Variants in KIF9 observed in about 807,000 individuals in gnomAD.
The protein encoded by KIF9 is kinesin-like protein KIF9.
Under a neutral mutation model 94.8 loss-of-function variants are expected in KIF9, and 68 were observed. The observed-to-expected ratio is 0.72, with a 90% CI of 0.59 to 0.88. The LOEUF is 0.88. KIF9 is among the 40% of genes least tolerant of loss of function. The pLI is 0.00. For missense variants in KIF9, 882 were observed against 982.5 expected, an observed-to-expected ratio of 0.90 and a Z score of 1.37; for synonymous variants, 343 against 362.1, an observed-to-expected ratio of 0.95 and a Z score of 0.60.
In KIF9 at chr3:47,240,872, T is replaced by C. The variant is rs147260286; in HGVS notation, c.1853A>G (p.Asn618Ser). The change falls in exon 17 of 21, where the codon AAT (asparagine) becomes AGT (serine). Residue 618 changes from asparagine (N) to serine (S), a missense_variant. Physicochemically the swap from Asn to Ser is conservative, Grantham distance 46 (BLOSUM62 1). Transcript: ENST00000684063. ...KRASETTQHI[N>S]AIKREIDVTK... Reference sequence around the variant, plus strand: ...CACATCAATCTCCCGCTTGATGGCATTGATGTGCTGTGTGGTCTCGCTGGC... The same window carrying C: ...CACATCAATCTCCCGCTTGATGGCACTGATGTGCTGTGTGGTCTCGCTGGC... The C allele has an allele frequency of 8.2e-5, 132 of 1,614,244 alleles. No homozygotes were observed. The highest frequency in any genetic ancestry group is 6.7e-4 in the African/African-American group (50 of 75,062).
At chr3:47,239,551 G>A in intron 17 of KIF9, 1 of 1,093,622 alleles carries the variant, frequency 9.1e-7, no homozygotes, top group Non-Finnish European at 1.1e-6. Context: ...CCAAGAATTA[G>A]AAAATAAAGT....
intron 8 of KIF9, among the ~76,000 whole-genome samples, chr3:47,265,434 T>C: frequency 6.6e-6 from 1 of 152,172 alleles, no homozygotes; most frequent in South Asian, 2.1e-4. Context: ...GCCCCAAGTC[T>C]TCAGGCTGTG....
chr3:47,275,208 G>A (rs1188710725), intron 3 of KIF9, 117 bp downstream of exon 3: 6 of 806,344 alleles, frequency 7.4e-6, no homozygotes, highest in Non-Finnish European at 1.2e-5. Flanking sequence ...TAAGAACATG[G>A]AGACAGACAA....
chr3:47,235,401 C>A, intron 20 of KIF9, 112 bp downstream of exon 20: 2 of 767,272 alleles, frequency 2.6e-6, no homozygotes, highest in Admixed American at 4.3e-5. Context: ...GGTGACTAAT[C>A]TCCTTGGAAT....
rs1474905689 is a variant in KIF9, at chr3:47,243,170, G to C, written c.1590C>G (p.Thr530=). Residue 530 remains threonine, a synonymous_variant, in exon 16 of 21, where the codon ACC becomes ACG. Coordinates refer to ENST00000684063, the MANE Select transcript of KIF9 (RefSeq NM_182902.4). ...CATCTTTGGAGGATGGGACCAGCTG[G>C]GTCTTGGAGGTGGAAACGTAATCCA... ...KDLDYVSTSK[T]QLVPSSKDGD... is the part of the protein sequence containing the mutation. 2 of 1,613,802 alleles carry C rather than the reference G, an allele frequency of 1.2e-6. No individual in the cohort carries two copies. The highest frequency in any genetic ancestry group is 1.7e-6 in the Non-Finnish European group (2 of 1,179,800).
At chr3:47,265,684 C>G in intron 8 of KIF9, 46 bp downstream of exon 8, 1 of 1,601,260 alleles carries the variant, frequency 6.2e-7, no homozygotes, top group Non-Finnish European at 8.5e-7. Flanking sequence ...TGTCCCTCCC[C>G]AAAGACACAG....
At chr3:47,275,524 A>T in intron 2 of KIF9, 34 bp from the exon 3 acceptor site, 1 of 1,552,656 alleles carries the variant, frequency 6.4e-7, no homozygotes, top group Non-Finnish European at 8.8e-7. Context: ...AAAAAATGTT[A>T]TTTGTTCAAA....
chr3:47,248,528 C>T (rs1374667673), intron 10 of KIF9, among the ~76,000 whole-genome samples: 2 of 151,960 alleles, frequency 1.3e-5, no homozygotes, highest in Non-Finnish European at 2.9e-5. Flanking sequence ...CTGCAACCTC[C>T]GCCTCCCGGG....
intron 4 of KIF9, among the ~76,000 whole-genome samples, 182 bp from the exon 5 acceptor site, chr3:47,271,643 C>A (rs1000834144): frequency 1.3e-5 from 2 of 152,190 alleles, no homozygotes; most frequent in Non-Finnish European, 2.9e-5. Flanking sequence ...GATTGGCTAA[C>A]ACTTAAACCA....
At chr3:47,252,894 T>C (rs1700360916) in intron 10 of KIF9, among the ~76,000 whole-genome samples, 2 of 151,792 alleles carry the variant, frequency 1.3e-5, no homozygotes, top group African/African-American at 4.8e-5. Flanking sequence ...GTGCCTGTAA[T>C]CCCAGCTACT....
At chr3:47,239,349 TG>T (rs779764245) in intron 17 of KIF9, among the ~76,000 whole-genome samples, 2 of 152,210 alleles carry the variant, frequency 1.3e-5, no homozygotes, top group Non-Finnish European at 2.9e-5. Context: ...TCAAAGAAAG[TG>T]TGAGCAGAGA....
At chr3:47,232,194 G>A (rs1409235334) in intron 20 of KIF9, among the ~76,000 whole-genome samples, 2 of 152,166 alleles carry the variant, frequency 1.3e-5, no homozygotes, top group Non-Finnish European at 2.9e-5. Flanking sequence ...TGAAGCGGAG[G>A]GCAAACCCTT....
intron 20 of KIF9, among the ~76,000 whole-genome samples, 170 bp downstream of exon 20, chr3:47,235,343 G>T (rs1698940655): frequency 1.3e-5 from 2 of 152,178 alleles, no homozygotes; most frequent in Non-Finnish European, 2.9e-5. Flanking sequence ...CTCCTCTAGG[G>T]TCCAGCCCAA....
At chr3:47,258,546 T>C (rs1700760794) in intron 9 of KIF9, among the ~76,000 whole-genome samples, 1 of 152,202 alleles carries the variant, frequency 6.6e-6, no homozygotes, top group African/African-American at 2.4e-5. Flanking sequence ...AGGTGGGGCC[T>C]GGTGGGAGAT....
In KIF9 at chr3:47,236,078, T is replaced by C; in HGVS notation, c.2173A>G (p.Ser725Gly). The C allele has an allele frequency of 1.2e-6, 2 of 1,614,210 alleles. No homozygotes were observed. The highest frequency in any genetic ancestry group is 1.7e-6 in the Non-Finnish European group (2 of 1,180,022). Residue 725 changes from serine to glycine, a missense_variant, in exon 19 of 21, where the codon AGC becomes GGC. By Grantham distance (56) the Ser-to-Gly change is moderately conservative. Coordinates refer to ENST00000684063, the MANE Select transcript of KIF9 (RefSeq NM_182902.4). ...DMQMALKPGG[S>G]IRPGMVPVNR... is the part of the protein sequence containing the mutation. ...ACAGGGACCATGCCTGGCCGGATGC[T>C]GCCGCCTGGCTTCAGTGCCATCTGC...
rs750716219 is a variant in KIF9 at position 47,244,935 on chromosome 3, A to C, written c.1381-11T>G. 10 of 1,613,926 alleles carry C rather than the reference A, an allele frequency of 6.2e-6. No individual in the cohort carries two copies. The highest frequency in any genetic ancestry group is 8.5e-6 in the Non-Finnish European group (10 of 1,179,862). On this transcript the variant is annotated splice_polypyrimidine_tract_variant and intron_variant, in intron 14 of 20. Coordinates refer to ENST00000684063, the MANE Select transcript of KIF9 (RefSeq NM_182902.4). ...ATCCACAAGCCCCGCCTACATAGAG[A>C]GGCCAGCCAAAGGTCTGTGAGTTAG...
intron 16 of KIF9, among the ~76,000 whole-genome samples, chr3:47,241,882 ATAT>A (rs1352676221): frequency 6.2e-5 from 6 of 97,280 alleles, no homozygotes; most frequent in South Asian, 3.2e-4. Flanking sequence ...ATATATATAT[ATAT>A]TTTTTTTTTT....
intron 10 of KIF9, chr3:47,248,344 A>G: frequency 2.1e-6 from 1 of 465,666 alleles, no homozygotes. Flanking sequence ...AGACAGCACA[A>G]GCCACACAGC....
chr3:47,237,994 G>A (rs1354985891), intron 17 of KIF9, among the ~76,000 whole-genome samples: 1 of 152,222 alleles, frequency 6.6e-6, no homozygotes, highest in Non-Finnish European at 1.5e-5. Flanking sequence ...GGGAGTAACT[G>A]TGAACATCTT....
Sources: gnomAD v4.1 joint callset for allele counts (sites outside exome capture counted in the v4.1 genomes callset) on GRCh38, gnomAD v4.1.1 for gene constraint, MANE v1.5 for transcripts, NCBI Gene and HGNC (gene_info 2026-07-23, HGNC 2026-07-21) for gene names.